MNAT1: variants seen among roughly 807,000 people sequenced by gnomAD.
MNAT1 encodes CDK-activating kinase assembly factor MAT1.
MNAT1 carries 43 observed loss-of-function variants against 42.0 expected under a neutral mutation model. That is an observed-to-expected ratio of 1.02 (90% CI 0.80 to 1.32). The LOEUF (loss-of-function observed/expected upper bound fraction) is 1.32, where lower values mean the gene tolerates loss of function less well. Among genes scored for constraint, MNAT1 ranks in the 40% most tolerant of loss-of-function variants. MNAT1 has a pLI of 0.00. For missense variants in MNAT1, 306 were observed against 350.4 expected (o/e 0.87, Z 1.01); for synonymous variants, 118 against 120.0 (o/e 0.98, Z 0.11).
chr14:60,784,656 GGTTTCTACAT>G (rs899538350), intron 1 of MNAT1, among the ~76,000 whole-genome samples: 1 of 151,500 alleles, frequency 6.6e-6, no homozygotes, highest in Admixed American at 6.6e-5. Context: ...GTAGAGATGG[GGTTTCTACAT>G]GTTGGCCAGG....
At chr14:60,789,781 G>T (rs1295449710) in intron 1 of MNAT1, among the ~76,000 whole-genome samples, 4 of 152,146 alleles carry the variant, frequency 2.6e-5, no homozygotes, top group Admixed American at 6.5e-5. Flanking sequence ...CTACAGAATA[G>T]TCCACATATT....
chr14:60,772,806 C>G (rs939965669), intron 1 of MNAT1, among the ~76,000 whole-genome samples: 1 of 150,898 alleles, frequency 6.6e-6, no homozygotes, highest in Non-Finnish European at 1.5e-5. Flanking sequence ...TTCCAGAGTG[C>G]TAGGTAGAAA....
intron 1 of MNAT1, among the ~76,000 whole-genome samples, chr14:60,793,638 A>G (rs1029760478): frequency 6.6e-6 from 1 of 151,778 alleles, no homozygotes; most frequent in African/African-American, 2.4e-5. Context: ...CTCCCAAAGC[A>G]CTGGGATTAT....
chr14:60,889,880 G>A (rs544098461), intron 7 of MNAT1, among the ~76,000 whole-genome samples: 2 of 152,312 alleles, frequency 1.3e-5, no homozygotes, highest in South Asian at 4.1e-4. Context: ...TCAGAGAAAT[G>A]CAAATCAAAA....
chr14:60,764,566 G>A (rs1464447565), intron 1 of MNAT1, among the ~76,000 whole-genome samples: 1 of 152,164 alleles, frequency 6.6e-6, no homozygotes, highest in Non-Finnish European at 1.5e-5. Flanking sequence ...AAGTAGGGAA[G>A]ATTTGAGACA....
chr14:60,860,604 C>T (rs756704066), intron 6 of MNAT1, among the ~76,000 whole-genome samples: 5 of 152,078 alleles, frequency 3.3e-5, no homozygotes, highest in African/African-American at 4.8e-5. Flanking sequence ...CCGCCCGCCT[C>T]AGCCTCCAAA....
chr14:60,854,516 T>C (rs2033906111), intron 6 of MNAT1, among the ~76,000 whole-genome samples: 1 of 152,188 alleles, frequency 6.6e-6, no homozygotes, highest in Non-Finnish European at 1.5e-5. Context: ...GATGTTGATG[T>C]TGTTGCTTTC....
In MNAT1 at chr14:60,879,802, A is replaced by T; in HGVS notation, c.776A>T (p.His259Leu). 1.2e-6 allele frequency: 2 copies of T among 1,613,232 alleles called. No individual in the cohort carries two copies. Among genetic ancestry groups the T allele is most frequent in the Non-Finnish European group, 1.7e-6 (2 of 1,179,428 alleles). ...QPLQIETYGP[H>L]VPELEMLGRL... ...CTGCAGATAGAGACATATGGACCAC[A>T]TGTTCCTGAGCTTGAGATGCTAGGA... Residue 259 changes from histidine (H) to leucine (L), a missense_variant, in exon 7 of 8, where the codon CAT becomes CTT. This residue lies in a region of MNAT1 where 116 missense variants were observed against 139.6 expected (regional missense o/e 0.83). Coordinates refer to ENST00000261245, the MANE Select transcript of MNAT1 (RefSeq NM_002431.4).
intron 1 of MNAT1, among the ~76,000 whole-genome samples, chr14:60,762,711 A>AAG (rs2030657757): frequency 6.6e-6 from 1 of 150,436 alleles, no homozygotes; most frequent in Non-Finnish European, 1.5e-5. Flanking sequence ...GTCTCAAAAA[A>AAG]AAAAAAAAAA....
At chr14:60,780,869 T>C (rs1361924050) in intron 1 of MNAT1, among the ~76,000 whole-genome samples, 1 of 152,172 alleles carries the variant, frequency 6.6e-6, no homozygotes, top group Non-Finnish European at 1.5e-5. Flanking sequence ...CCTTTGAAGA[T>C]AGTAACTGTA....
intron 6 of MNAT1, among the ~76,000 whole-genome samples, chr14:60,829,836 T>C (rs1257783026): frequency 6.6e-6 from 1 of 152,216 alleles, no homozygotes. Context: ...ACATACTGTA[T>C]ACTGCATTGC....
intron 7 of MNAT1, among the ~76,000 whole-genome samples, chr14:60,957,362 A>T (rs369074275): frequency 6.6e-6 from 1 of 152,208 alleles, no homozygotes; most frequent in East Asian, 1.9e-4. Flanking sequence ...ATGGTTGGGG[A>T]GGCCTCACAA....
chr14:60,922,728 G>A (rs1389664352), intron 7 of MNAT1, among the ~76,000 whole-genome samples: 1 of 152,114 alleles, frequency 6.6e-6, no homozygotes, highest in East Asian at 1.9e-4. Flanking sequence ...CAGATTGTTA[G>A]TCAAATGGAA....
chr14:60,916,246 A>AT (rs1451838677), intron 7 of MNAT1, among the ~76,000 whole-genome samples: 1 of 152,224 alleles, frequency 6.6e-6, no homozygotes, highest in African/African-American at 2.4e-5. Context: ...CAACTTTAAC[A>AT]TTTAAAAATG....
In MNAT1 at chr14:60,836,401, G is replaced by A. The variant is rs555418273; in HGVS notation, c.687+17554G>A. ...TCTACCTTTGGTCTTTGACGTTGGT[G>A]ACCTTTGGATGGGGTTTTTGTGTGG... is the stretch of plus-strand genomic sequence containing the variant. On this transcript the variant is annotated intron_variant, in intron 6 of 7. Transcript: ENST00000261245. Among the ~76,000 whole-genome samples, 10 of 152,318 alleles carry A rather than the reference G, an allele frequency of 6.6e-5. No homozygotes were observed. The East Asian group carries it at 1.9e-3, about 29-fold the overall frequency.
chr14:60,947,343 G>T (rs937563657), intron 7 of MNAT1, among the ~76,000 whole-genome samples: 3 of 152,036 alleles, frequency 2.0e-5, no homozygotes, highest in African/African-American at 4.8e-5. Flanking sequence ...TGCTCCAAAG[G>T]TATTTGCTCA....
intron 1 of MNAT1, among the ~76,000 whole-genome samples, chr14:60,743,620 G>T (rs977346332): frequency 6.6e-6 from 1 of 152,178 alleles, no homozygotes; most frequent in Non-Finnish European, 1.5e-5. Flanking sequence ...AGGTGTGTTG[G>T]TGAAGAATAT....
At chr14:60,808,566 A>G (rs1022849292) in intron 4 of MNAT1, 138 bp downstream of exon 4, 1 of 577,410 alleles carries the variant, frequency 1.7e-6, no homozygotes, top group African/African-American at 1.9e-5. Context: ...ATATGAATAT[A>G]TGCTGTATAG....
intron 3 of MNAT1, among the ~76,000 whole-genome samples, chr14:60,799,545 C>G (rs77360751): frequency 0.013 from 1,982 of 152,018 alleles, 43 homozygotes; most frequent in African/African-American, 0.046. Context: ...ATAGGTGTTG[C>G]AGTACAAGTT....
Sources: gnomAD v4.1 joint callset for allele counts (sites outside exome capture counted in the v4.1 genomes callset) on GRCh38, gnomAD v4.1.1 for gene constraint, gnomAD v4.1.1 regional missense constraint, MANE v1.5 for transcripts, NCBI Gene and HGNC (gene_info 2026-07-23, HGNC 2026-07-21) for gene names.